TANGO6: variants seen among roughly 807,000 people sequenced by gnomAD.
The protein encoded by TANGO6 is transport and Golgi organization protein 6 homolog.
TANGO6 carries 90 observed loss-of-function variants against 114.2 expected under a neutral mutation model. The ratio of observed to expected loss-of-function variants is 0.79; its 90% CI spans 0.66 to 0.94. The LOEUF (loss-of-function observed/expected upper bound fraction) is 0.94, where lower values mean the gene tolerates loss of function less well. TANGO6 is among the 40% of genes least tolerant of loss of function. The pLI is 0.00. For missense variants in TANGO6, 1,274 were observed against 1,315.3 expected (o/e 0.97, Z 0.49); for synonymous variants, 477 against 509.8 (o/e 0.94, Z 0.87).
intron 1 of TANGO6, among the ~76,000 whole-genome samples, chr16:68,856,332 C>T (rs973699799): frequency 1.3e-5 from 2 of 152,004 alleles, no homozygotes; most frequent in Admixed American, 6.6e-5. Flanking sequence ...GCTTTTTCTG[C>T]GTTTGTTGAA....
At chr16:68,870,274 G>A in intron 4 of TANGO6, among the ~76,000 whole-genome samples, 1 of 152,148 alleles carries the variant, frequency 6.6e-6, no homozygotes, top group East Asian at 1.9e-4. Flanking sequence ...GAAGAAGGAA[G>A]AGAGCTAGAA....
intron 11 of TANGO6, among the ~76,000 whole-genome samples, chr16:68,910,049 A>G (rs1418028056): frequency 6.6e-6 from 1 of 152,228 alleles, no homozygotes; most frequent in African/African-American, 2.4e-5. Flanking sequence ...AAGATAGGAA[A>G]TAAAAGTAAT....
chr16:69,042,756 G>A (rs887960089), intron 17 of TANGO6, among the ~76,000 whole-genome samples: 5 of 152,150 alleles, frequency 3.3e-5, no homozygotes, highest in Admixed American at 6.6e-5. Context: ...GTATGAGAGG[G>A]AGTTAAGAAG....
intron 15 of TANGO6, among the ~76,000 whole-genome samples, chr16:69,011,324 T>C (rs1007882688): frequency 4.6e-5 from 7 of 152,164 alleles, no homozygotes; most frequent in African/African-American, 1.7e-4. Flanking sequence ...GTGTAAGAAT[T>C]TGGCAGAGTG....
intron 4 of TANGO6, among the ~76,000 whole-genome samples, chr16:68,874,417 G>A (rs746233802): frequency 2.0e-5 from 3 of 152,100 alleles, no homozygotes; most frequent in South Asian, 2.1e-4. Flanking sequence ...TCCACTGTCT[G>A]GAAACCATTG....
At chr16:69,067,953 A>AG (rs1331872417) in intron 17 of TANGO6, among the ~76,000 whole-genome samples, 5 of 149,684 alleles carry the variant, frequency 3.3e-5, no homozygotes, top group Admixed American at 6.7e-5. Flanking sequence ...AAAAAAAAAA[A>AG]AAAGAAAATA....
At chr16:68,896,364 C>T (rs1180972266) in intron 7 of TANGO6, among the ~76,000 whole-genome samples, 1 of 151,830 alleles carries the variant, frequency 6.6e-6, no homozygotes, top group African/African-American at 2.4e-5. Context: ...TGTTCTGTTG[C>T]TTGGGCTGGA....
chr16:68,848,716 TTA>T (rs1406838804), intron 1 of TANGO6, among the ~76,000 whole-genome samples: 1 of 152,170 alleles, frequency 6.6e-6, no homozygotes, highest in Non-Finnish European at 1.5e-5. Flanking sequence ...GAATAATAAA[TTA>T]GTGTCTTAGC....
intron 15 of TANGO6, among the ~76,000 whole-genome samples, chr16:68,994,969 G>A (rs1963978568): frequency 6.6e-6 from 1 of 152,136 alleles, no homozygotes; most frequent in Non-Finnish European, 1.5e-5. Context: ...AATACAATTT[G>A]CTAATAGAAG....
rs1317178794 is a variant in TANGO6, at chr16:68,900,412, T to A, written c.1378-22T>A. On this transcript the variant is annotated intron_variant, in intron 7 of 17. Coordinates refer to ENST00000261778, the MANE Select transcript of TANGO6 (RefSeq NM_024562.2). ...TGGCCAGGCAGTCATGGGATTATTC[T>A]TCACCATTTCCTTTTTTCTAGGTGT... 15 of 1,604,834 alleles carry A rather than the reference T, an allele frequency of 9.3e-6. No homozygotes were observed. In the Admixed American group the frequency reaches 2.5e-4, roughly 27 times the overall value.
At chr16:68,939,432 T>C (rs1963330003) in intron 14 of TANGO6, among the ~76,000 whole-genome samples, 1 of 152,156 alleles carries the variant, frequency 6.6e-6, no homozygotes, top group Admixed American at 6.6e-5. Context: ...GGGTGAGACC[T>C]GTAGTTGTCA....
intron 14 of TANGO6, among the ~76,000 whole-genome samples, chr16:68,967,497 G>A (rs916391360): frequency 6.6e-6 from 1 of 152,166 alleles, no homozygotes; most frequent in Non-Finnish European, 1.5e-5. Context: ...TTAGAATGTT[G>A]TTATCACCCC....
rs149818594 is a variant in TANGO6 at position 68,915,067 on chromosome 16, G to A, written c.1993-4018G>A. Among the ~76,000 whole-genome samples, 896 of 150,684 alleles carry A rather than the reference G, an allele frequency of 5.9e-3. 25 individuals are homozygous for A. The highest frequency in any genetic ancestry group is 2.5e-3 in the South Asian group (12 of 4,748). Reference sequence around the variant, plus strand: ...ATCCCAGCACTTTGGGAGGCTACTCGGGAGGCTGAGGCAGGAGTATTGCTT... The same window carrying A: ...ATCCCAGCACTTTGGGAGGCTACTCAGGAGGCTGAGGCAGGAGTATTGCTT... On this transcript the variant is annotated intron_variant, in intron 11 of 17. Coordinates refer to ENST00000261778, the MANE Select transcript of TANGO6 (RefSeq NM_024562.2).
chr16:68,874,091 C>T (rs1188111545), intron 4 of TANGO6, among the ~76,000 whole-genome samples: 1 of 152,178 alleles, frequency 6.6e-6, no homozygotes, highest in Non-Finnish European at 1.5e-5. Context: ...GTTATTGCCC[C>T]AGGCTTTGGT....
intron 7 of TANGO6, among the ~76,000 whole-genome samples, chr16:68,892,657 G>C (rs1038747697): frequency 1.3e-5 from 2 of 151,962 alleles, no homozygotes; most frequent in African/African-American, 4.8e-5. Flanking sequence ...TGGGATTATA[G>C]GCACCCACCA....
At chr16:69,017,576 G>A (rs1959321870) in intron 15 of TANGO6, among the ~76,000 whole-genome samples, 1 of 152,004 alleles carries the variant, frequency 6.6e-6, no homozygotes, top group Non-Finnish European at 1.5e-5. Context: ...GCTCATGAAT[G>A]TGTGCCTTTT....
At chr16:68,846,172 T>G (rs1027328650) in intron 1 of TANGO6, among the ~76,000 whole-genome samples, 3 of 151,214 alleles carry the variant, frequency 2.0e-5, no homozygotes, top group Non-Finnish European at 4.4e-5. Context: ...ATTACAGGCA[T>G]GCGCCACATG....
At chr16:68,952,810 A>G (rs889148710) in intron 14 of TANGO6, among the ~76,000 whole-genome samples, 2 of 152,152 alleles carry the variant, frequency 1.3e-5, no homozygotes, top group Non-Finnish European at 2.9e-5. Flanking sequence ...TTGAGCTGCC[A>G]AAGACCTCAT....
intron 15 of TANGO6, among the ~76,000 whole-genome samples, chr16:68,993,373 T>C (rs1350722410): frequency 1.3e-5 from 2 of 152,270 alleles, no homozygotes; most frequent in Non-Finnish European, 2.9e-5. Flanking sequence ...TAATTCAATA[T>C]ATGTATGAGA....
Sources: allele counts gnomAD v4.1 joint callset (sites outside exome capture counted in the v4.1 genomes callset), GRCh38; gene constraint gnomAD v4.1.1; transcripts MANE v1.5; gene names NCBI Gene and HGNC (gene_info 2026-07-23, HGNC 2026-07-21).